RASAL2: variants seen among roughly 807,000 people sequenced by gnomAD.
The protein encoded by RASAL2 is RAS protein activator like 2.
A neutral mutation model predicts 128.9 loss-of-function variants in RASAL2; 58 were observed. That is an observed-to-expected ratio of 0.45 (90% CI 0.36 to 0.56). The LOEUF (loss-of-function observed/expected upper bound fraction) is 0.56. Among genes scored for constraint, RASAL2 ranks in the 20% least tolerant of loss-of-function variants. The pLI is 0.00. For synonymous variants in RASAL2, 561 were observed against 580.8 expected (o/e 0.97, Z 0.49); for missense variants, 1,360 against 1,601.6 (o/e 0.85, Z 2.57).
At chr1:178,370,849 G>A (rs1280290683) in intron 3 of RASAL2, among the ~76,000 whole-genome samples, 1 of 152,094 alleles carries the variant, frequency 6.6e-6, no homozygotes, top group Admixed American at 6.6e-5. Context: ...TAAGACTGAA[G>A]TAAGCATGGA....
chr1:178,364,187 G>A (rs1263693634), intron 3 of RASAL2, among the ~76,000 whole-genome samples: 1 of 151,758 alleles, frequency 6.6e-6, no homozygotes, highest in Non-Finnish European at 1.5e-5. Context: ...TAACTCTGTT[G>A]TAGTGTCTCA....
intron 3 of RASAL2, among the ~76,000 whole-genome samples, chr1:178,358,001 T>A (rs1372212539): frequency 6.6e-6 from 1 of 151,850 alleles, no homozygotes; most frequent in Admixed American, 6.6e-5. Context: ...TTTGGGAAGC[T>A]AAGGAAGGCG....
intron 14 of RASAL2, among the ~76,000 whole-genome samples, chr1:178,460,839 A>G (rs898257059): frequency 2.0e-5 from 3 of 151,802 alleles, no homozygotes; most frequent in Non-Finnish European, 4.4e-5. Context: ...TTTGAAACAG[A>G]GTCTTGCTCT....
At chr1:178,445,800 G>A in intron 9 of RASAL2, 138 bp downstream of exon 9, 1 of 871,646 alleles carries the variant, frequency 1.1e-6, no homozygotes, top group Non-Finnish European at 1.7e-6. Flanking sequence ...TTGAATCATG[G>A]CTGTAAGAAG....
intron 4 of RASAL2, among the ~76,000 whole-genome samples, chr1:178,405,581 A>G (rs1244483580): frequency 6.6e-6 from 1 of 152,230 alleles, no homozygotes; most frequent in Non-Finnish European, 1.5e-5. Context: ...AAAGGCCATG[A>G]GCCAAGGAAT....
intron 3 of RASAL2, among the ~76,000 whole-genome samples, chr1:178,360,818 A>G (rs1671068344): frequency 6.6e-6 from 1 of 152,280 alleles, no homozygotes; most frequent in African/African-American, 2.4e-5. Flanking sequence ...GTTGCTGGCA[A>G]TGTTTGGTGT....
At chr1:178,401,566 A>G (rs1373215589) in intron 4 of RASAL2, among the ~76,000 whole-genome samples, 1 of 152,188 alleles carries the variant, frequency 6.6e-6, no homozygotes, top group African/African-American at 2.4e-5. Flanking sequence ...ACTTGAGCCC[A>G]GGAGTTTCAG....
At chr1:178,170,295 G>A (rs1179719553) in intron 1 of RASAL2, among the ~76,000 whole-genome samples, 1 of 151,796 alleles carries the variant, frequency 6.6e-6, no homozygotes, top group Non-Finnish European at 1.5e-5. Flanking sequence ...CCATGCACTA[G>A]CTAAATTGAG....
chr1:178,352,588 A>C lies in RASAL2; in HGVS notation c.458-37512A>C, dbSNP rs1238511776. ...GTGGCTCTACCATTCTAGAGTCTGT[A>C]GGATGGTGGCCCTCTTCTTACAGCT... is the stretch of plus-strand genomic sequence containing the variant. On this transcript the variant is annotated intron_variant, in intron 3 of 17. Coordinates refer to ENST00000367649, the MANE Select transcript of RASAL2 (RefSeq NM_170692.4). Among the ~76,000 whole-genome samples the C allele has an allele frequency of 2.6e-5, 4 of 152,132 alleles. No individual in the cohort carries two copies. In the South Asian group the frequency reaches 8.3e-4, roughly 32 times the overall value.
intron 8 of RASAL2, among the ~76,000 whole-genome samples, chr1:178,443,815 G>A (rs1207180673): frequency 6.6e-6 from 1 of 152,080 alleles, no homozygotes; most frequent in East Asian, 1.9e-4. Flanking sequence ...AAATATGCTG[G>A]TTGTGGGAAG....
chr1:178,268,509 C>T (rs1246458837), intron 1 of RASAL2, among the ~76,000 whole-genome samples: 2 of 151,958 alleles, frequency 1.3e-5, no homozygotes, highest in African/African-American at 2.4e-5. Context: ...TGGTGCATGT[C>T]TGTCATCATG....
intron 1 of RASAL2, among the ~76,000 whole-genome samples, chr1:178,099,671 A>C (rs1221873966): frequency 6.6e-6 from 1 of 152,250 alleles, no homozygotes; most frequent in Non-Finnish European, 1.5e-5. Context: ...CAGTTAAACA[A>C]GTGAATAGGC....
At chr1:178,262,781 C>A (rs943721521) in intron 1 of RASAL2, among the ~76,000 whole-genome samples, 6 of 150,598 alleles carry the variant, frequency 4.0e-5, no homozygotes, top group Non-Finnish European at 7.4e-5. Flanking sequence ...TCTCATCCCC[C>A]CTGCCCCCCA....
intron 1 of RASAL2, among the ~76,000 whole-genome samples, chr1:178,237,485 C>G (rs1401145161): frequency 3.3e-5 from 5 of 152,158 alleles, no homozygotes; most frequent in African/African-American, 9.7e-5. Flanking sequence ...ATCCCAGCCT[C>G]AACACATCTG....
chr1:178,231,046 C>T (rs994719468), intron 1 of RASAL2, among the ~76,000 whole-genome samples: 1 of 152,158 alleles, frequency 6.6e-6, no homozygotes, highest in Non-Finnish European at 1.5e-5. Context: ...ATGCTTGAGC[C>T]CATTCACCCA....
chr1:178,225,184 A>T (rs556044008), intron 1 of RASAL2, among the ~76,000 whole-genome samples: 2 of 152,166 alleles, frequency 1.3e-5, no homozygotes, highest in East Asian at 3.8e-4. Context: ...TTCTATAATT[A>T]TGATTCTGTA....
chr1:178,259,217 G>A (rs892668901), intron 1 of RASAL2, among the ~76,000 whole-genome samples: 32 of 130,614 alleles, frequency 2.4e-4, no homozygotes, highest in African/African-American at 8.1e-4. Context: ...TGCAAGCTCC[G>A]CCTCCCAGGT....
chr1:178,252,339 T>C (rs750086623), intron 1 of RASAL2, among the ~76,000 whole-genome samples: 2 of 152,234 alleles, frequency 1.3e-5, no homozygotes, highest in African/African-American at 4.8e-5. Context: ...TATTCACTTA[T>C]ACTAGGAAGG....
At chr1:178,433,758 C>A (rs948073469) in intron 5 of RASAL2, among the ~76,000 whole-genome samples, 4 of 151,914 alleles carry the variant, frequency 2.6e-5, no homozygotes, top group African/African-American at 4.8e-5. Flanking sequence ...ACTAAAAATA[C>A]AAAAATTAAC....
Sources: allele counts gnomAD v4.1 joint callset (sites outside exome capture counted in the v4.1 genomes callset), GRCh38; gene constraint gnomAD v4.1.1; transcripts MANE v1.5; gene names NCBI Gene and HGNC (gene_info 2026-07-23, HGNC 2026-07-21).